Variants in ITIH6 observed in about 807,000 individuals in gnomAD.
ITIH6 encodes inter-alpha-trypsin inhibitor heavy chain family member 6, also known as inter-alpha-trypsin inhibitor heavy chain H6.
In ITIH6, 60 loss-of-function variants were observed where a neutral mutation model predicts 58.2. That is an observed-to-expected ratio of 1.03 (90% confidence interval 0.84 to 1.28). The LOEUF (loss-of-function observed/expected upper bound fraction) is 1.28. Ranked by LOEUF, ITIH6 falls within the 50% of genes most tolerant of loss-of-function variation. The pLI, the probability that ITIH6 is intolerant of heterozygous loss-of-function variation, is 0.00. For missense variants in ITIH6, 1,290 were observed against 1,021.1 expected (o/e 1.26, Z -3.59); for synonymous variants, 493 against 417.4 (o/e 1.18, Z -2.21).
intron 5 of ITIH6, among the ~76,000 whole-genome samples, chrX:54,785,202 C>T (rs1165945771): frequency 3.8e-5 from 2 of 52,900 alleles, no homozygotes; most frequent in Non-Finnish European, 3.3e-5. Context: ...CCAGAGGCTG[C>T]GGGGAGTGGG....
chrX:54,788,352 A>T, intron 5 of ITIH6, 128 bp downstream of exon 5: 1 of 538,927 alleles, frequency 1.9e-6, no homozygotes, highest in Non-Finnish European at 3.0e-6. Flanking sequence ...TTTTCACGTC[A>T]GCCTATCCTT....
rs1178992167 is a variant in ITIH6 at position 54,749,648 on chromosome X, A to G, written c.*247T>C. 5 of 331,068 alleles carry G rather than the reference A, an allele frequency of 1.5e-5. No homozygotes were observed. Among genetic ancestry groups the G allele is most frequent in the Non-Finnish European group, 2.6e-5 (5 of 191,112 alleles). 27.3% of individuals were successfully genotyped at this position (331,068 alleles called of 1,213,427 possible). ...AAAGTGGCTTGTAGGGCTGGTGAGG[A>G]GCATGGATTTGGAGAGGGTGAGACT... On this transcript the variant is annotated 3_prime_UTR_variant, in exon 13 of 13. Coordinates refer to ENST00000218436, the MANE Select transcript of ITIH6 (RefSeq NM_198510.3).
chrX:54,798,084 T>A, intron 1 of ITIH6, 25 bp downstream of exon 1: 2 of 1,060,023 alleles, frequency 1.9e-6, no homozygotes, highest in Non-Finnish European at 2.6e-6. Context: ...ATCCCCAAGC[T>A]TTTTTCCCTC....
chrX:54,757,329 G>A lies in ITIH6; in HGVS notation c.2745C>T (p.Ser915=), dbSNP rs370514716. The change falls in exon 8 of 13, where the codon AGC becomes AGT. Residue 915 remains serine, a synonymous_variant. Transcript: ENST00000218436. ...CAAGGACAGAGGTGGTTGTGGTACTGCTGGGACCTGTGGAACTTGAGATTG... is the reference window on the plus strand; with the variant it reads ...CAAGGACAGAGGTGGTTGTGGTACTACTGGGACCTGTGGAACTTGAGATTG... ...PNTISSSTGP[S]STTTTSVLGE... is the part of the protein sequence containing the mutation. 2.7e-5 allele frequency: 33 copies of A among 1,201,622 alleles called. No homozygotes were observed. Among genetic ancestry groups the A allele is most frequent in the Non-Finnish European group, 3.6e-5 (32 of 889,940 alleles).
chrX:54,783,870 A>T (rs1381236308), intron 5 of ITIH6, among the ~76,000 whole-genome samples: 2 of 112,186 alleles, frequency 1.8e-5, no homozygotes, highest in Non-Finnish European at 3.8e-5. Flanking sequence ...AAAGACCCAG[A>T]ATAACCAAAG....
At chrX:54,785,921 C>G (rs1929234338) in intron 5 of ITIH6, among the ~76,000 whole-genome samples, 1 of 111,098 alleles carries the variant, frequency 9.0e-6, no homozygotes, top group Non-Finnish European at 1.9e-5. Context: ...GGTGACCTCC[C>G]TTTGTCACTT....
At chrX:54,767,616 A>C (rs1162134068) in intron 6 of ITIH6, among the ~76,000 whole-genome samples, 3 of 101,737 alleles carry the variant, frequency 2.9e-5, no homozygotes, top group East Asian at 3.0e-4. Flanking sequence ...GTTTCAAAGA[A>C]CATCTTTATT....
intron 6 of ITIH6, among the ~76,000 whole-genome samples, chrX:54,771,258 T>C (rs1233247475): frequency 8.9e-6 from 1 of 112,499 alleles, no homozygotes; most frequent in African/African-American, 3.2e-5. Flanking sequence ...GTATCTATTA[T>C]TACTTCAAGT....
At chrX:54,760,036 G>C (rs748802226) in intron 6 of ITIH6, 109 bp from the exon 7 acceptor site, 9 of 594,752 alleles carry the variant, frequency 1.5e-5, no homozygotes, top group Admixed American at 6.4e-5. Flanking sequence ...ATGGTTTTAA[G>C]ACTCTCTGAC....
At chrX:54,774,749 C>T (rs1268735383) in intron 5 of ITIH6, among the ~76,000 whole-genome samples, 3 of 111,832 alleles carry the variant, frequency 2.7e-5, no homozygotes, top group Non-Finnish European at 5.7e-5. Flanking sequence ...TTGGTTACAC[C>T]AGGTACAGAT....
chrX:54,771,340 T>C (rs749856621), intron 6 of ITIH6, among the ~76,000 whole-genome samples: 1 of 112,242 alleles, frequency 8.9e-6, no homozygotes, highest in Non-Finnish European at 1.9e-5. Context: ...ACTTTTAAAA[T>C]TGTTCCACAA....
At chrX:54,764,439 G>A (rs1928723410) in intron 6 of ITIH6, among the ~76,000 whole-genome samples, 1 of 103,917 alleles carries the variant, frequency 9.6e-6, no homozygotes, top group African/African-American at 3.5e-5. Flanking sequence ...TCCCCAGAGT[G>A]TGATATTCCG....
Position 54,749,811 on chromosome X carries a change from T to A in ITIH6, c.*84A>T. 1.3e-6 allele frequency: 1 copy of A among 770,060 alleles called. No individual in the cohort carries two copies. 63.5% of individuals were successfully genotyped at this position (770,060 alleles called of 1,213,427 possible). ...GTCCCTGTGTGTGCTTCCATGTCCT[T>A]GGGTCTCTGTCCCTGGCTCACCCCA... On this transcript the variant is annotated 3_prime_UTR_variant, in exon 13 of 13. Transcript: ENST00000218436.
chrX:54,788,339 G>A (rs1317391010), intron 5 of ITIH6, 141 bp downstream of exon 5: 2 of 488,572 alleles, frequency 4.1e-6, no homozygotes, highest in East Asian at 3.7e-5. Context: ...GAAGCCGTGT[G>A]TCTTTTCACG....
chrX:54,762,867 C>A (rs1397859044), intron 6 of ITIH6, among the ~76,000 whole-genome samples: 1 of 112,119 alleles, frequency 8.9e-6, no homozygotes, highest in Non-Finnish European at 1.9e-5. Context: ...TATTAGGTAT[C>A]ATTTACAGGA....
At chrX:54,786,310 G>A (rs1037890626) in intron 5 of ITIH6, among the ~76,000 whole-genome samples, 5 of 111,557 alleles carry the variant, frequency 4.5e-5, no homozygotes, top group Middle Eastern at 4.2e-3. Context: ...GGCCTCATTC[G>A]TCTCAGGTTT....
In ITIH6 at chrX:54,788,035, C is replaced by T. The variant is rs375048964; in HGVS notation, c.786+445G>A. 5.0e-3 allele frequency among the ~76,000 whole-genome samples: 550 copies of T among 110,214 alleles called. 7 individuals carry two copies. The highest frequency in any genetic ancestry group is 0.018 in the African/African-American group (514 of 29,370). The stretch of plus-strand genomic sequence containing the variant: ...TCTTCATGAATGTGGAAACTCAGAA[C>T]TGAAGGACTCTCTGTTTAGGCAGAT... On this transcript the variant is annotated intron_variant, in intron 5 of 12. Transcript: ENST00000218436.
rs1177314079 is a variant in ITIH6 at position 54,767,502 on chromosome X, T to C, written c.903+6579A>G. ...GATGTTAGGGTGTCCATTTTGGATC[T>C]TTCCTGCTTTCTCTTGTGGGCATTT... is the stretch of plus-strand genomic sequence containing the variant. On this transcript the variant is annotated intron_variant, in intron 6 of 12. Transcript: ENST00000218436. Among the ~76,000 whole-genome samples, 28 of 100,469 alleles carry C rather than the reference T, an allele frequency of 2.8e-4. 1 individual carries two copies. Among genetic ancestry groups the C allele is most frequent in the Non-Finnish European group, 4.2e-4 (22 of 51,827 alleles). The allele number at this position is 100,469 out of a possible 115,157, so 87.2% of individuals were successfully genotyped here.
chrX:54,794,357 A>G (rs768676145), intron 2 of ITIH6, among the ~76,000 whole-genome samples: 2 of 110,997 alleles, frequency 1.8e-5, no homozygotes, highest in East Asian at 2.8e-4. Context: ...GTTTTTTTCA[A>G]CTGAAGCAAA....
Sources: gnomAD v4.1 joint callset for allele counts (sites outside exome capture counted in the v4.1 genomes callset) on GRCh38, gnomAD v4.1.1 for gene constraint, MANE v1.5 for transcripts, NCBI Gene and HGNC (gene_info 2026-07-23, HGNC 2026-07-21) for gene names.